Variants in WWOX observed in about 807,000 individuals in gnomAD.
WWOX encodes the protein WW domain-containing oxidoreductase.
In WWOX, 69 loss-of-function variants were observed where a neutral mutation model predicts 46.2. That is an observed-to-expected ratio of 1.49 (90% CI 1.23 to 1.82). WWOX has a LOEUF of 1.82. Ranked by LOEUF, WWOX falls within the 40% of genes most tolerant of loss-of-function variation. The pLI, the probability that WWOX is intolerant of heterozygous loss-of-function variation, is 0.00. For missense variants in WWOX, 919 were observed against 542.6 expected, an observed-to-expected ratio of 1.69 and a Z score of -6.89; for synonymous variants, 359 against 202.6, an observed-to-expected ratio of 1.77 and a Z score of -6.56.
At chr16:78,546,451 T>C (rs367775726) in intron 8 of WWOX, among the ~76,000 whole-genome samples, 3 of 152,210 alleles carry the variant, frequency 2.0e-5, no homozygotes, top group African/African-American at 4.8e-5. Flanking sequence ...AAAAGAATAC[T>C]GGACCCAGAG....
intron 8 of WWOX, among the ~76,000 whole-genome samples, chr16:78,930,287 A>ATTT (rs71140846): frequency 4.4e-5 from 4 of 90,188 alleles, no homozygotes; most frequent in African/African-American, 1.3e-4. Context: ...TTCTTTTTTT[A>ATTT]TTTTTTTTTT....
At chr16:78,215,088 G>T (rs1196969782) in intron 5 of WWOX, among the ~76,000 whole-genome samples, 1 of 152,180 alleles carries the variant, frequency 6.6e-6, no homozygotes, top group Non-Finnish European at 1.5e-5. Context: ...TGGGGAAAGA[G>T]TGTTAGAGGA....
In WWOX at chr16:78,656,554, T is replaced by C. The variant is rs532148938; in HGVS notation, c.1056+223802T>C. On this transcript the variant is annotated intron_variant, in intron 8 of 8. Transcript: ENST00000566780. Reference sequence around the variant, plus strand: ...GCGAAGGAGGAGGTACTACCCACTTTTAAACAACCAGATCTGGTGAGAACT... The same window carrying C: ...GCGAAGGAGGAGGTACTACCCACTTCTAAACAACCAGATCTGGTGAGAACT... Among the ~76,000 whole-genome samples, 280 of 152,212 alleles carry C rather than the reference T, an allele frequency of 1.8e-3. 1 individual carries two copies. Among genetic ancestry groups the C allele is most frequent in the Non-Finnish European group, 3.2e-3 (216 of 68,010 alleles).
intron 8 of WWOX, among the ~76,000 whole-genome samples, chr16:78,885,438 C>T (rs1195339209): frequency 6.6e-6 from 1 of 152,190 alleles, no homozygotes; most frequent in Non-Finnish European, 1.5e-5. Context: ...AGTTTTCACT[C>T]TGTCTAAACA....
chr16:78,576,384 A>G (rs946609893), intron 8 of WWOX, among the ~76,000 whole-genome samples: 1 of 152,224 alleles, frequency 6.6e-6, no homozygotes, highest in Non-Finnish European at 1.5e-5. Context: ...TTGGTTTAGC[A>G]TAGAGCTATG....
chr16:78,376,004 C>G (rs1349606755), intron 5 of WWOX, among the ~76,000 whole-genome samples: 1 of 152,074 alleles, frequency 6.6e-6, no homozygotes, highest in Non-Finnish European at 1.5e-5. Flanking sequence ...GCGCATGTCA[C>G]CATGCCTGGC....
intron 8 of WWOX, among the ~76,000 whole-genome samples, chr16:78,926,305 G>A (rs1313704111): frequency 6.6e-6 from 1 of 151,856 alleles, no homozygotes; most frequent in African/African-American, 2.4e-5. Context: ...CCCAGGAGGT[G>A]GAGATTGCAG....
intron 6 of WWOX, among the ~76,000 whole-genome samples, chr16:78,405,022 T>A (rs1371478804): frequency 6.6e-6 from 1 of 152,228 alleles, no homozygotes; most frequent in African/African-American, 2.4e-5. Flanking sequence ...TACTTCTATT[T>A]TACATTTCCC....
chr16:79,110,918 C>G (rs777657131), intron 8 of WWOX: 2 of 152,150 alleles, frequency 1.3e-5, no homozygotes, highest in African/African-American at 2.4e-5. Flanking sequence ...AATGAGATAT[C>G]GAGACATGCC....
At chr16:78,563,881 C>A (rs1212903308) in intron 8 of WWOX, among the ~76,000 whole-genome samples, 2 of 152,182 alleles carry the variant, frequency 1.3e-5, no homozygotes, top group Non-Finnish European at 2.9e-5. Flanking sequence ...TTTGTCCACT[C>A]CTTGAACCAG....
chr16:78,395,171 GA>G (rs1217930351), intron 6 of WWOX, among the ~76,000 whole-genome samples: 7 of 152,138 alleles, frequency 4.6e-5, no homozygotes, highest in Non-Finnish European at 1.0e-4. Flanking sequence ...AATTAAACAG[GA>G]AAAGGGGATG....
At chr16:78,523,461 C>G (rs1031384705) in intron 8 of WWOX, among the ~76,000 whole-genome samples, 2 of 152,174 alleles carry the variant, frequency 1.3e-5, no homozygotes, top group African/African-American at 2.4e-5. Context: ...GTTTGGGGAG[C>G]TGAAGGTCAC....
At chr16:78,471,439 T>C (rs552770616) in intron 8 of WWOX, among the ~76,000 whole-genome samples, 1 of 152,208 alleles carries the variant, frequency 6.6e-6, no homozygotes, top group African/African-American at 2.4e-5. Context: ...GTGCAGTGTT[T>C]CTAGGAAGTT....
intron 8 of WWOX, among the ~76,000 whole-genome samples, chr16:78,742,849 T>G (rs2049262316): frequency 6.6e-6 from 1 of 152,198 alleles, no homozygotes; most frequent in South Asian, 2.1e-4. Context: ...ATTGCGAGTC[T>G]CATGGTCAGA....
intron 8 of WWOX, among the ~76,000 whole-genome samples, chr16:78,544,273 C>T (rs1053819891): frequency 1.3e-5 from 2 of 152,150 alleles, no homozygotes; most frequent in African/African-American, 4.8e-5. Flanking sequence ...TCACCAAGCG[C>T]TAACATTATA....
intron 8 of WWOX, among the ~76,000 whole-genome samples, chr16:78,452,171 T>G (rs185187033): frequency 1.3e-5 from 2 of 152,300 alleles, no homozygotes; most frequent in East Asian, 3.9e-4. Flanking sequence ...AGGCCAAAAG[T>G]AACTTTATCT....
chr16:78,642,528 G>C (rs567931118), intron 8 of WWOX, among the ~76,000 whole-genome samples: 10 of 152,256 alleles, frequency 6.6e-5, no homozygotes, highest in African/African-American at 2.4e-4. Context: ...ACAGTCCTCA[G>C]TTATTTGTTC....
chr16:78,644,816 G>A (rs1022158634), intron 8 of WWOX, among the ~76,000 whole-genome samples: 1 of 152,160 alleles, frequency 6.6e-6, no homozygotes, highest in African/African-American at 2.4e-5. Context: ...TTATGAGTCA[G>A]GCTTAAGAAT....
intron 8 of WWOX, among the ~76,000 whole-genome samples, chr16:78,541,924 T>G (rs998362468): frequency 6.8e-6 from 1 of 146,882 alleles, no homozygotes; most frequent in African/African-American, 2.5e-5. Flanking sequence ...TTGTTTTGTT[T>G]GTAAGAATCA....
Sources: gnomAD v4.1 joint callset for allele counts (sites outside exome capture counted in the v4.1 genomes callset) on GRCh38, gnomAD v4.1.1 for gene constraint, MANE v1.5 for transcripts, NCBI Gene and HGNC (gene_info 2026-07-23, HGNC 2026-07-21) for gene names.